AGBL4: variants seen among roughly 807,000 people sequenced by gnomAD.
The protein encoded by AGBL4 is AGBL carboxypeptidase 4, also known as cytosolic carboxypeptidase 6.
In AGBL4, 58 loss-of-function variants were observed where a neutral mutation model predicts 66.4. The ratio of observed to expected loss-of-function variants is 0.87; its 90% CI spans 0.71 to 1.09. The LOEUF (loss-of-function observed/expected upper bound fraction) is 1.09. Ranked by LOEUF, AGBL4 falls within the 50% of genes least tolerant of loss-of-function variation. AGBL4 has a pLI of 0.00. For synonymous variants in AGBL4, 234 were observed against 222.9 expected (o/e 1.05, Z -0.44); for missense variants, 579 against 631.0 (o/e 0.92, Z 0.88).
intron 3 of AGBL4, among the ~76,000 whole-genome samples, chr1:49,379,861 C>T (rs1644557736): frequency 6.6e-6 from 1 of 151,904 alleles, no homozygotes; most frequent in African/African-American, 2.4e-5. Flanking sequence ...GTGTCTCTGC[C>T]CGGCTTTGGT....
chr1:48,913,357 C>G (rs1004221929), intron 5 of AGBL4, among the ~76,000 whole-genome samples: 17 of 152,110 alleles, frequency 1.1e-4, no homozygotes, highest in Admixed American at 6.5e-5. Context: ...GCAGAAGTCC[C>G]CAAATCCCAG....
chr1:49,881,177 T>G (rs1325549801), intron 1 of AGBL4, among the ~76,000 whole-genome samples: 1 of 152,130 alleles, frequency 6.6e-6, no homozygotes, highest in Non-Finnish European at 1.5e-5. Flanking sequence ...GCCATCTTGA[T>G]GATTTCCAAT....
At chr1:49,450,376 A>T (rs554168357) in intron 3 of AGBL4, among the ~76,000 whole-genome samples, 30 of 152,048 alleles carry the variant, frequency 2.0e-4, no homozygotes, top group Non-Finnish European at 3.8e-4. Context: ...AACTCTTAGG[A>T]ATACCAATAT....
At chr1:49,271,777 C>A (rs932141327) in intron 3 of AGBL4, among the ~76,000 whole-genome samples, 1 of 117,976 alleles carries the variant, frequency 8.5e-6, no homozygotes, top group Non-Finnish European at 1.8e-5. Flanking sequence ...AATGACTCAG[C>A]GTCTTAATGC....
chr1:49,855,740 G>A (rs1290402747), intron 1 of AGBL4, among the ~76,000 whole-genome samples: 2 of 151,972 alleles, frequency 1.3e-5, no homozygotes, highest in Non-Finnish European at 2.9e-5. Flanking sequence ...AAAAACCTAC[G>A]TGATAAAGCA....
chr1:48,595,686 T>C (rs1644984024), intron 9 of AGBL4, among the ~76,000 whole-genome samples: 1 of 152,198 alleles, frequency 6.6e-6, no homozygotes, highest in African/African-American at 2.4e-5. Context: ...TAAAACTACT[T>C]TGGGGCATAT....
chr1:49,160,892 C>A (rs925708893), intron 4 of AGBL4, among the ~76,000 whole-genome samples: 1 of 152,124 alleles, frequency 6.6e-6, no homozygotes, highest in East Asian at 1.9e-4. Context: ...ATGGCCAGTG[C>A]CCCTCCCCCC....
chr1:49,389,989 T>C (rs1644813427), intron 3 of AGBL4, among the ~76,000 whole-genome samples: 1 of 152,132 alleles, frequency 6.6e-6, no homozygotes, highest in African/African-American at 2.4e-5. Context: ...CCAGCAAAAT[T>C]TCATGCTAGG....
intron 4 of AGBL4, among the ~76,000 whole-genome samples, chr1:49,156,103 A>G (rs111551927): frequency 6.6e-6 from 1 of 152,174 alleles, no homozygotes; most frequent in African/African-American, 2.4e-5. Flanking sequence ...CAATAATCTA[A>G]TATCAATCTT....
chr1:49,389,624 C>G (rs1489148350), intron 3 of AGBL4, among the ~76,000 whole-genome samples: 1 of 152,056 alleles, frequency 6.6e-6, no homozygotes, highest in Non-Finnish European at 1.5e-5. Flanking sequence ...TTCCTGAGAG[C>G]TCAGCAAAAC....
intron 3 of AGBL4, among the ~76,000 whole-genome samples, chr1:49,409,327 T>C (rs1281526032): frequency 6.6e-6 from 1 of 152,146 alleles, no homozygotes; most frequent in African/African-American, 2.4e-5. Flanking sequence ...AATGAGGATT[T>C]GGGGGAAGAA....
rs1475309164 is a variant in AGBL4 at position 49,948,537 on chromosome 1, A to G, written c.34+75226T>C. On this transcript the variant is annotated intron_variant, in intron 1 of 13. Coordinates refer to ENST00000371839, the MANE Select transcript of AGBL4 (RefSeq NM_032785.4). ...TAAAAATATAAATAAATATATATAA[A>G]TATATAAATATATATAAATATATAA... Among the ~76,000 whole-genome samples, 4 of 53,650 alleles carry G rather than the reference A, an allele frequency of 7.5e-5. No homozygotes were observed. The East Asian group carries it at 0.011, about 144-fold the overall frequency. The allele number at this position is 53,650 out of a possible 152,430, so 35.2% of individuals were successfully genotyped here.
intron 11 of AGBL4, among the ~76,000 whole-genome samples, chr1:48,553,709 C>A (rs146403764): frequency 1.4e-4 from 21 of 152,150 alleles, no homozygotes; most frequent in African/African-American, 4.6e-4. Context: ...AAAAAAAAAT[C>A]AGCATCTTCT....
intron 4 of AGBL4, among the ~76,000 whole-genome samples, chr1:49,193,553 A>C (rs1647164390): frequency 6.9e-6 from 1 of 144,748 alleles, no homozygotes; most frequent in South Asian, 2.2e-4. Flanking sequence ...TTTGAGATGG[A>C]GTTTCACTCT....
chr1:49,031,420 T>C (rs1301121781), intron 5 of AGBL4, among the ~76,000 whole-genome samples: 1 of 151,930 alleles, frequency 6.6e-6, no homozygotes, highest in Non-Finnish European at 1.5e-5. Context: ...ATATATACAA[T>C]TACTATTTGT....
chr1:48,563,599 GTGACAGA>G (rs1478977526), intron 11 of AGBL4, among the ~76,000 whole-genome samples: 2 of 152,104 alleles, frequency 1.3e-5, no homozygotes, highest in Admixed American at 6.6e-5. Flanking sequence ...CTCAGAGAAA[GTGACAGA>G]GAGAGAGAAT....
At chr1:49,268,796 C>A (rs558402914) in intron 3 of AGBL4, among the ~76,000 whole-genome samples, 1 of 152,276 alleles carries the variant, frequency 6.6e-6, no homozygotes, top group Admixed American at 6.5e-5. Flanking sequence ...CTTGATGAGA[C>A]ATTTAATGGT....
chr1:49,670,513 T>A (rs1323940451), intron 3 of AGBL4, among the ~76,000 whole-genome samples: 2 of 152,136 alleles, frequency 1.3e-5, no homozygotes, highest in Non-Finnish European at 2.9e-5. Flanking sequence ...CTAGAAATGA[T>A]GAGTCATAGG....
At chr1:49,615,699 G>C (rs1645237725) in intron 3 of AGBL4, among the ~76,000 whole-genome samples, 1 of 152,062 alleles carries the variant, frequency 6.6e-6, no homozygotes, top group South Asian at 2.1e-4. Flanking sequence ...CAAAAGGAAA[G>C]GGCACTTGGA....
Sources: gnomAD v4.1 joint callset for allele counts (sites outside exome capture counted in the v4.1 genomes callset) on GRCh38, gnomAD v4.1.1 for gene constraint, MANE v1.5 for transcripts, NCBI Gene and HGNC (gene_info 2026-07-23, HGNC 2026-07-21) for gene names.